KLC1: variants seen among roughly 807,000 people sequenced by gnomAD.
KLC1 encodes the protein kinesin light chain 1, also known as kinesin 2 60/70kDa.
In KLC1, 30 loss-of-function variants were observed where a neutral mutation model predicts 84.2. The ratio of observed to expected loss-of-function variants is 0.36; its 90% CI spans 0.27 to 0.48. The LOEUF is 0.48. Among genes scored for constraint, KLC1 ranks in the 20% least tolerant of loss-of-function variants. KLC1 has a pLI of 0.99. For synonymous variants in KLC1, 289 were observed against 293.3 expected (o/e 0.99, Z 0.15); for missense variants, 499 against 805.4 (o/e 0.62, Z 4.60).
chr14:103,687,274 T>C (rs2081836691), intron 14 of KLC1, 63 bp downstream of exon 14: 3 of 1,447,854 alleles, frequency 2.1e-6, no homozygotes, highest in South Asian at 1.3e-5. Flanking sequence ...CTTCTCTTCC[T>C]AGCGCAGCCT....
rs1443748735 is a variant in KLC1, at chr14:103,654,539, ATTTCTT to A, written c.-1-15_-1-10del. The A allele has an allele frequency of 6.4e-7, 1 of 1,561,276 alleles. No homozygotes were observed. The highest frequency in any genetic ancestry group is 8.6e-7 in the Non-Finnish European group (1 of 1,157,014). Reference sequence around the variant, plus strand: ...AATGAAACCTGTAATGAGGGATCTAATTTCTTTTTCTTTTTTCATTCCAGAATGTAT... The same window carrying A: ...AATGAAACCTGTAATGAGGGATCTAATTTCTTTTTTCATTCCAGAATGTAT... On this transcript the variant is annotated intron_variant, in intron 1 of 16. Transcript: ENST00000334553.
At chr14:103,664,642 G>C (rs2079591625) in intron 5 of KLC1, among the ~76,000 whole-genome samples, 1 of 151,786 alleles carries the variant, frequency 6.6e-6, no homozygotes, top group Non-Finnish European at 1.5e-5. Flanking sequence ...ACCTTCCTGA[G>C]TAGCTGGGAC....
chr14:103,649,156 G>A (rs2078186973), intron 1 of KLC1, among the ~76,000 whole-genome samples: 1 of 151,812 alleles, frequency 6.6e-6, no homozygotes, highest in African/African-American at 2.4e-5. Flanking sequence ...CAAAGAAACA[G>A]TACAGTGACA....
intron 13 of KLC1, chr14:103,684,764 G>A (rs1287077954): frequency 9.1e-6 from 5 of 549,412 alleles, no homozygotes; most frequent in Non-Finnish European, 1.7e-5. Flanking sequence ...GAATCTGAGT[G>A]AAATGAATCT....
At chr14:103,685,634 A>T (rs1265289802) in intron 13 of KLC1, 1 of 1,289,362 alleles carries the variant, frequency 7.8e-7, no homozygotes, top group Non-Finnish European at 1.0e-6. Context: ...TTTCTGTCTG[A>T]CAGGCCTAGC....
intron 13 of KLC1, among the ~76,000 whole-genome samples, chr14:103,681,432 C>T (rs914901996): frequency 2.0e-5 from 3 of 152,300 alleles, no homozygotes; most frequent in East Asian, 3.9e-4. Flanking sequence ...ATGCTAAACT[C>T]GACCAACTTT....
chr14:103,701,496 T>C lies in KLC1; in HGVS notation c.*297T>C. On this transcript the variant is annotated 3_prime_UTR_variant, in exon 17 of 17. Transcript: ENST00000334553. ...TGTAACTTCCTCACGTTGTGTGCGA[T>C]AACGTATTTTATTGTACATTTTTTT... 2.5e-6 allele frequency: 1 copy of C among 405,798 alleles called. No homozygotes were observed. Among genetic ancestry groups the C allele is most frequent in the Non-Finnish European group, 4.4e-6 (1 of 227,064 alleles). 25.1% of individuals were successfully genotyped at this position (405,798 alleles called of 1,614,324 possible).
At chr14:103,691,567 CA>C (rs1156323689) in intron 14 of KLC1, among the ~76,000 whole-genome samples, 1 of 138,072 alleles carries the variant, frequency 7.2e-6, no homozygotes, top group African/African-American at 2.7e-5. Context: ...CTCCTGGGTT[CA>C]AATGATTTTC....
chr14:103,669,476 C>T, intron 5 of KLC1, 35 bp from the exon 6 acceptor site: 2 of 1,151,742 alleles, frequency 1.7e-6, no homozygotes, highest in Middle Eastern at 2.0e-4. Context: ...TAGTGATCTA[C>T]ATCTGAAACA....
At chr14:103,659,289 A>G (rs1156791599) in intron 3 of KLC1, among the ~76,000 whole-genome samples, 1 of 152,188 alleles carries the variant, frequency 6.6e-6, no homozygotes, top group African/African-American at 2.4e-5. Flanking sequence ...TTTAAAGAAA[A>G]TTTCTAAATT....
intron 1 of KLC1, among the ~76,000 whole-genome samples, chr14:103,635,226 C>T (rs991534450): frequency 2.6e-5 from 4 of 152,106 alleles, no homozygotes; most frequent in African/African-American, 7.2e-5. Context: ...TAGATTGTTC[C>T]CTGACTTCAG....
chr14:103,661,627 G>A (rs2079299661), intron 3 of KLC1, among the ~76,000 whole-genome samples: 1 of 152,074 alleles, frequency 6.6e-6, no homozygotes. Context: ...CAAAATGTAG[G>A]GAAACATGGG....
chr14:103,691,021 C>G (rs1472973616), intron 14 of KLC1, among the ~76,000 whole-genome samples: 1 of 152,140 alleles, frequency 6.6e-6, no homozygotes, highest in Non-Finnish European at 1.5e-5. Flanking sequence ...TATGCATCAT[C>G]TTTTAGCAGT....
Position 103,701,222 on chromosome 14 carries a change from C to T in KLC1, c.*23C>T, listed in dbSNP as rs1595646126. Reference sequence around the variant, plus strand: ...GCAGTGACCCCGACCTGGCCCCGCTCCAGGATGGGACTGCCGAGTGTGGCC... The same window carrying T: ...GCAGTGACCCCGACCTGGCCCCGCTTCAGGATGGGACTGCCGAGTGTGGCC... On this transcript the variant is annotated 3_prime_UTR_variant, in exon 17 of 17. Transcript: ENST00000334553. The T allele has an allele frequency of 6.4e-7, 1 of 1,550,490 alleles. No homozygotes were observed. The highest frequency in any genetic ancestry group is 2.4e-5 in the East Asian group (1 of 40,904).
chr14:103,695,560 G>C, intron 15 of KLC1: 5 of 985,332 alleles, frequency 5.1e-6, no homozygotes, highest in Non-Finnish European at 6.0e-6. Flanking sequence ...AGGATGCTGA[G>C]CAGAGTTTGG....
chr14:103,687,295 C>T (rs1191358935), intron 14 of KLC1, 84 bp downstream of exon 14: 1 of 1,345,518 alleles, frequency 7.4e-7, no homozygotes, highest in East Asian at 2.9e-5. Context: ...TCCTCACCCA[C>T]AGACTTGAGG....
intron 5 of KLC1, among the ~76,000 whole-genome samples, chr14:103,664,301 G>A (rs1463229740): frequency 2.0e-5 from 3 of 151,660 alleles, no homozygotes; most frequent in African/African-American, 4.8e-5. Flanking sequence ...ACAGGCATGC[G>A]CCACCATGCC....
intron 10 of KLC1, 42 bp from the exon 11 acceptor site, chr14:103,675,647 T>C (rs1487288724): frequency 6.2e-7 from 1 of 1,602,816 alleles, no homozygotes; most frequent in South Asian, 1.1e-5. Flanking sequence ...ATATACTGCA[T>C]TCAAGATAAT....
intron 1 of KLC1, among the ~76,000 whole-genome samples, chr14:103,636,108 TCTGG>T: frequency 6.6e-6 from 1 of 152,212 alleles, no homozygotes; most frequent in Non-Finnish European, 1.5e-5. Flanking sequence ...AACTCTTTCA[TCTGG>T]CAGCGCTGAG....
Sources: gnomAD v4.1 joint callset for allele counts (sites outside exome capture counted in the v4.1 genomes callset) on GRCh38, gnomAD v4.1.1 for gene constraint, MANE v1.5 for transcripts, NCBI Gene and HGNC (gene_info 2026-07-23, HGNC 2026-07-21) for gene names.